The following PUM1 variants were observed in gnomAD, a reference collection of about 807,000 sequenced individuals.
PUM1 encodes pumilio RNA binding family member 1, also known as pumilio homolog 1.
A neutral mutation model predicts 131.8 loss-of-function variants in PUM1; 13 were observed. The ratio of observed to expected loss-of-function variants is 0.10; its 90% CI spans 0.06 to 0.16. PUM1 has a LOEUF of 0.16. Ranked by LOEUF, PUM1 falls within the 10% of genes least tolerant of loss-of-function variation. PUM1 has a pLI of 1.00. For synonymous variants in PUM1, 509 were observed against 556.5 expected (o/e 0.91, Z 1.20); for missense variants, 961 against 1,512.4 (o/e 0.64, Z 6.05).
At chr1:30,940,455 G>A (rs555172964) in intron 20 of PUM1, among the ~76,000 whole-genome samples, 12 of 152,326 alleles carry the variant, frequency 7.9e-5, no homozygotes, top group African/African-American at 1.9e-4. Context: ...AAGCCTGGGC[G>A]ACAGAGCGTG....
At chr1:31,054,093 C>CCAAAA (rs1553153860) in intron 2 of PUM1, among the ~76,000 whole-genome samples, 1 of 54,884 alleles carries the variant, frequency 1.8e-5, no homozygotes, top group Non-Finnish European at 3.4e-5. Context: ...GACTTTATTT[C>CCAAAA]AAAAAAAAAA....
intron 3 of PUM1, among the ~76,000 whole-genome samples, chr1:31,007,427 T>C (rs962457511): frequency 2.0e-5 from 3 of 152,206 alleles, no homozygotes; most frequent in Non-Finnish European, 2.9e-5. Flanking sequence ...AGTGACCCTA[T>C]TAGCTAACTA....
chr1:31,041,502 C>T (rs1254799016), intron 2 of PUM1, among the ~76,000 whole-genome samples: 1 of 152,126 alleles, frequency 6.6e-6, no homozygotes, highest in Non-Finnish European at 1.5e-5. Context: ...AATGTGACTT[C>T]TAAGGTTGGA....
intron 21 of PUM1, chr1:30,935,777 T>C (rs1639183706): frequency 2.4e-6 from 1 of 420,224 alleles, no homozygotes; most frequent in Non-Finnish European, 4.8e-6. Flanking sequence ...TGCCAGACAA[T>C]GGCCAACCAA....
intron 3 of PUM1, 145 bp downstream of exon 3, chr1:31,028,651 C>T: frequency 1.4e-6 from 1 of 737,650 alleles, no homozygotes; most frequent in Non-Finnish European, 2.4e-6. Flanking sequence ...CAAAATTCTC[C>T]AGCATCCCGT....
chr1:31,000,754 A>C (rs962034473), intron 5 of PUM1, among the ~76,000 whole-genome samples: 1 of 152,232 alleles, frequency 6.6e-6, no homozygotes, highest in East Asian at 1.9e-4. Context: ...CAAAAACTAT[A>C]ACAATGTTAA....
At chr1:30,996,265 T>C (rs1557576586) in intron 5 of PUM1, among the ~76,000 whole-genome samples, 1 of 152,166 alleles carries the variant, frequency 6.6e-6, no homozygotes, top group Admixed American at 6.5e-5. Flanking sequence ...CAAGTTCAAG[T>C]TCCTGGTACA....
intron 14 of PUM1, among the ~76,000 whole-genome samples, chr1:30,957,082 A>T (rs1026987770): frequency 2.2e-5 from 3 of 135,592 alleles, no homozygotes; most frequent in Non-Finnish European, 4.6e-5. Flanking sequence ...CTACAAGGAC[A>T]TTCATACACA....
In PUM1 at chr1:31,005,918, C is replaced by G; in HGVS notation, c.655G>C (p.Val219Leu). The G allele has an allele frequency of 6.2e-7, 1 of 1,613,842 alleles. No homozygotes were observed. Among genetic ancestry groups the G allele is most frequent in the Non-Finnish European group, 8.5e-7 (1 of 1,179,944 alleles). The change falls in exon 5 of 22, where the codon GTT (valine) becomes CTT (leucine). Residue 219 changes from valine to leucine, a missense_variant. Coordinates refer to ENST00000426105, the MANE Select transcript of PUM1 (RefSeq NM_001020658.2). ...SPRSESGGLGVSMVEYVLSSS... is the reference protein window; with the variant it reads ...SPRSESGGLGLSMVEYVLSSS... ...CTCAACACATACTCCACCATGCTAA[C>G]GCCTAGTCCCCCACTCTCCGATCGT...
intron 2 of PUM1, among the ~76,000 whole-genome samples, chr1:31,043,897 A>C (rs1306266226): frequency 1.3e-5 from 2 of 152,164 alleles, no homozygotes; most frequent in Non-Finnish European, 2.9e-5. Context: ...ACCTGCCCCT[A>C]GTGAAGAAAT....
At chr1:31,037,832 C>T (rs1255747783) in intron 2 of PUM1, among the ~76,000 whole-genome samples, 3 of 152,000 alleles carry the variant, frequency 2.0e-5, no homozygotes, top group East Asian at 3.9e-4. Flanking sequence ...GGGCAGATCA[C>T]GAGGTCAGGA....
chr1:30,947,585 T>A (rs1194253514), intron 17 of PUM1, among the ~76,000 whole-genome samples: 1 of 152,180 alleles, frequency 6.6e-6, no homozygotes, highest in African/African-American at 2.4e-5. Context: ...TATCTTGAAA[T>A]TAAATGCCTG....
At chr1:30,944,686 G>A (rs1018505377) in intron 18 of PUM1, among the ~76,000 whole-genome samples, 10 of 152,264 alleles carry the variant, frequency 6.6e-5, no homozygotes, top group Middle Eastern at 3.4e-3. Flanking sequence ...CATTAGTACC[G>A]TAAATTACCT....
intron 2 of PUM1, among the ~76,000 whole-genome samples, chr1:31,049,511 G>A (rs1230909501): frequency 2.8e-5 from 4 of 144,634 alleles, no homozygotes; most frequent in African/African-American, 5.1e-5. Context: ...GCAAGATTCC[G>A]TCTCAAAAAA....
chr1:31,036,939 G>A, intron 2 of PUM1: 1 of 162,200 alleles, frequency 6.2e-6, no homozygotes, highest in East Asian at 1.7e-4. Flanking sequence ...ATAACCATAT[G>A]AGAGAAGGTA....
intron 2 of PUM1, among the ~76,000 whole-genome samples, chr1:31,033,987 G>T (rs186597346): frequency 6.6e-6 from 1 of 152,130 alleles, no homozygotes; most frequent in Admixed American, 6.5e-5. Context: ...ATTCTGAATT[G>T]TAAGAAGTTA....
At chr1:31,035,257 A>G (rs893301592) in intron 2 of PUM1, among the ~76,000 whole-genome samples, 3 of 151,994 alleles carry the variant, frequency 2.0e-5, no homozygotes, top group African/African-American at 7.2e-5. Flanking sequence ...GCCAGGCATG[A>G]TGGCACATGC....
intron 21 of PUM1, among the ~76,000 whole-genome samples, chr1:30,933,770 T>G (rs1639079040): frequency 1.3e-5 from 2 of 152,156 alleles, no homozygotes; most frequent in East Asian, 1.9e-4. Flanking sequence ...TCCTGAGCAG[T>G]GGGGGTTATT....
intron 3 of PUM1, among the ~76,000 whole-genome samples, chr1:31,012,213 T>A (rs199822550): frequency 1.4e-5 from 2 of 147,542 alleles, no homozygotes; most frequent in African/African-American, 5.0e-5. Context: ...TTTTTTTCCT[T>A]AAAAAAAAAA....
Sources: allele counts gnomAD v4.1 joint callset (sites outside exome capture counted in the v4.1 genomes callset), GRCh38; gene constraint gnomAD v4.1.1; transcripts MANE v1.5; gene names NCBI Gene and HGNC (gene_info 2026-07-23, HGNC 2026-07-21).